SYN3: variants seen among roughly 807,000 people sequenced by gnomAD.
SYN3 encodes synapsin-3.
In SYN3, 35 loss-of-function variants were observed where a neutral mutation model predicts 65.8. The observed-to-expected ratio is 0.53, with a 90% CI of 0.41 to 0.70. SYN3 has a LOEUF of 0.70. Ranked by LOEUF, SYN3 falls within the 30% of genes least tolerant of loss-of-function variation. The pLI, the probability that SYN3 is intolerant of heterozygous loss-of-function variation, is 0.00. For synonymous variants in SYN3, 270 were observed against 292.9 expected (o/e 0.92, Z 0.80); for missense variants, 680 against 749.0 (o/e 0.91, Z 1.08).
At chr22:32,596,643 C>T (rs1270765910) in intron 7 of SYN3, 31 bp downstream of exon 7, 1 of 1,611,784 alleles carries the variant, frequency 6.2e-7, no homozygotes. Context: ...CTGGGTGTGT[C>T]CACTGTGAGT....
At chr22:32,623,387 G>A (rs1311528986) in intron 6 of SYN3, among the ~76,000 whole-genome samples, 2 of 151,974 alleles carry the variant, frequency 1.3e-5, no homozygotes, top group South Asian at 4.2e-4. Context: ...GTAGTGATGG[G>A]GTCTCATTAT....
intron 6 of SYN3, among the ~76,000 whole-genome samples, chr22:32,627,125 G>A (rs562711959): frequency 4.0e-5 from 6 of 149,568 alleles, no homozygotes; most frequent in African/African-American, 1.5e-4. Flanking sequence ...TCCCGGGGTC[G>A]TTGTGTAAGT....
chr22:32,944,675 T>C (rs2051050006), intron 3 of SYN3, among the ~76,000 whole-genome samples: 1 of 152,152 alleles, frequency 6.6e-6, no homozygotes, highest in South Asian at 2.1e-4. Flanking sequence ...TTCAACACAG[T>C]GTTGGAAGTT....
At chr22:33,022,456 G>C (rs2053576475) in intron 1 of SYN3, among the ~76,000 whole-genome samples, 1 of 152,194 alleles carries the variant, frequency 6.6e-6, no homozygotes, top group East Asian at 1.9e-4. Context: ...ACACAGACCT[G>C]CTGGCCCTTT....
chr22:32,709,075 C>T (rs893496819), intron 6 of SYN3, among the ~76,000 whole-genome samples: 5 of 152,230 alleles, frequency 3.3e-5, no homozygotes, highest in African/African-American at 7.2e-5. Flanking sequence ...CCCAGGGCAG[C>T]GTGGCTCTGG....
chr22:32,681,392 G>A (rs1430878169), intron 6 of SYN3, among the ~76,000 whole-genome samples: 1 of 152,198 alleles, frequency 6.6e-6, no homozygotes, highest in Non-Finnish European at 1.5e-5. Context: ...GGCCCCAGGG[G>A]ATATTTGGCA....
intron 6 of SYN3, among the ~76,000 whole-genome samples, chr22:32,721,665 G>A (rs954041173): frequency 1.3e-5 from 2 of 152,312 alleles, no homozygotes; most frequent in Middle Eastern, 3.4e-3. Context: ...GCTCCCACTG[G>A]TGGTACAGTG....
chr22:32,789,623 T>C lies in SYN3; in HGVS notation c.711+75292A>G, dbSNP rs139082088. 2.2e-3 allele frequency among the ~76,000 whole-genome samples: 333 copies of C among 152,326 alleles called. 2 individuals carry two copies. The highest frequency in any genetic ancestry group is 6.8e-3 in the Admixed American group (104 of 15,306). The stretch of plus-strand genomic sequence containing the variant: ...TATTAGTACTTAAATATTTATGTGA[T>C]TGGGGAAGCTTCCATGTTTCCTAAT... On this transcript the variant is annotated intron_variant, in intron 6 of 13. Coordinates refer to ENST00000358763, the MANE Select transcript of SYN3 (RefSeq NM_003490.4).
chr22:32,518,941 G>T (rs2057827030), intron 12 of SYN3, among the ~76,000 whole-genome samples: 1 of 152,092 alleles, frequency 6.6e-6, no homozygotes, highest in Non-Finnish European at 1.5e-5. Flanking sequence ...TAATCTGATA[G>T]GCCTGGTGTC....
At chr22:32,765,226 C>G (rs1311868867) in intron 6 of SYN3, among the ~76,000 whole-genome samples, 1 of 152,208 alleles carries the variant, frequency 6.6e-6, no homozygotes, top group East Asian at 1.9e-4. Context: ...GCTCTGGGAA[C>G]TGGAATGTCG....
intron 6 of SYN3, among the ~76,000 whole-genome samples, chr22:32,853,523 G>T (rs2048281075): frequency 6.6e-6 from 1 of 152,108 alleles, no homozygotes; most frequent in Non-Finnish European, 1.5e-5. Context: ...TACTTTATTT[G>T]TCCCTTCACT....
chr22:32,628,392 A>C (rs1223881284), intron 6 of SYN3, among the ~76,000 whole-genome samples: 1 of 152,174 alleles, frequency 6.6e-6, no homozygotes, highest in Non-Finnish European at 1.5e-5. Context: ...GAGGAGGAAG[A>C]GGCCCTGGAA....
intron 6 of SYN3, among the ~76,000 whole-genome samples, chr22:32,731,509 C>T (rs528256326): frequency 7.2e-5 from 11 of 152,280 alleles, no homozygotes; most frequent in Non-Finnish European, 1.2e-4. Flanking sequence ...TAAAAGCCTA[C>T]GATCAGGCTT....
At chr22:32,797,339 C>A (rs1484527817) in intron 6 of SYN3, among the ~76,000 whole-genome samples, 2 of 152,126 alleles carry the variant, frequency 1.3e-5, no homozygotes, top group Non-Finnish European at 2.9e-5. Flanking sequence ...GGCTTAGACT[C>A]CAGCAAGGGA....
intron 1 of SYN3, among the ~76,000 whole-genome samples, chr22:33,053,693 T>C (rs2054208761): frequency 6.6e-6 from 1 of 152,160 alleles, no homozygotes; most frequent in African/African-American, 2.4e-5. Flanking sequence ...CAAATTCAGC[T>C]TAAACATCAC....
At chr22:32,995,227 C>T (rs910190325) in intron 2 of SYN3, among the ~76,000 whole-genome samples, 1 of 152,180 alleles carries the variant, frequency 6.6e-6, no homozygotes, top group African/African-American at 2.4e-5. Flanking sequence ...AACAAGGAAG[C>T]TCTAAGGCCA....
chr22:32,937,501 GA>G (rs2050805721), intron 3 of SYN3, among the ~76,000 whole-genome samples: 1 of 152,118 alleles, frequency 6.6e-6, no homozygotes, highest in African/African-American at 2.4e-5. Flanking sequence ...AATCATGGTG[GA>G]AGGCCAAGGG....
At chr22:32,582,500 C>T (rs1218576965) in intron 7 of SYN3, among the ~76,000 whole-genome samples, 3 of 152,024 alleles carry the variant, frequency 2.0e-5, no homozygotes, top group Admixed American at 2.0e-4. Flanking sequence ...CAGGCACATG[C>T]TACCACAACC....
intron 4 of SYN3, among the ~76,000 whole-genome samples, chr22:32,928,670 G>A (rs141245215): frequency 9.2e-4 from 140 of 151,692 alleles, no homozygotes; most frequent in Non-Finnish European, 1.7e-3. Context: ...TTATTTATCC[G>A]CTTGAAATTT....
Sources: allele counts gnomAD v4.1 joint callset (sites outside exome capture counted in the v4.1 genomes callset), GRCh38; gene constraint gnomAD v4.1.1; transcripts MANE v1.5; gene names NCBI Gene and HGNC (gene_info 2026-07-23, HGNC 2026-07-21).